Variants in CDCP1 observed in about 807,000 individuals in gnomAD.
CDCP1 encodes CUB domain-containing protein 1.
CDCP1 carries 29 observed loss-of-function variants against 60.2 expected under a neutral mutation model. The observed-to-expected ratio is 0.48, with a 90% confidence interval of 0.36 to 0.66. The LOEUF (loss-of-function observed/expected upper bound fraction) is 0.66, where lower values mean the gene tolerates loss of function less well. Among genes scored for constraint, CDCP1 ranks in the 30% least tolerant of loss-of-function variants. The pLI, the probability that CDCP1 is intolerant of heterozygous loss-of-function variation, is 0.00. For synonymous variants in CDCP1, 387 were observed against 431.1 expected (o/e 0.90, Z 1.27); for missense variants, 876 against 1,074.3 (o/e 0.82, Z 2.58).
intron 1 of CDCP1, among the ~76,000 whole-genome samples, chr3:45,142,929 G>A (rs964753139): frequency 1.3e-5 from 2 of 152,228 alleles, no homozygotes; most frequent in Non-Finnish European, 2.9e-5. Context: ...GAACATGGGC[G>A]CGGTGGCTCA....
chr3:45,131,965 G>A (rs933785769), intron 1 of CDCP1, among the ~76,000 whole-genome samples: 1 of 152,192 alleles, frequency 6.6e-6, no homozygotes, highest in African/African-American at 2.4e-5. Flanking sequence ...TGGGTGTGGT[G>A]GCTCATGCCT....
At chr3:45,115,408 T>A (rs1474053473) in intron 2 of CDCP1, among the ~76,000 whole-genome samples, 2 of 152,236 alleles carry the variant, frequency 1.3e-5, no homozygotes, top group African/African-American at 4.8e-5. Flanking sequence ...TGTATGTAAG[T>A]GTGCATGTGC....
At chr3:45,141,832 A>G (rs1304609578) in intron 1 of CDCP1, among the ~76,000 whole-genome samples, 2 of 148,746 alleles carry the variant, frequency 1.3e-5, no homozygotes, top group African/African-American at 5.0e-5. Context: ...AAGGGGTATA[A>G]ACTTTTCTTT....
At chr3:45,101,419 GCCT>G (rs1698483468) in intron 4 of CDCP1, among the ~76,000 whole-genome samples, 1 of 152,144 alleles carries the variant, frequency 6.6e-6, no homozygotes, top group Non-Finnish European at 1.5e-5. Flanking sequence ...GGACCCAACT[GCCT>G]CTCCTCTAGC....
intron 3 of CDCP1, among the ~76,000 whole-genome samples, 195 bp downstream of exon 3, chr3:45,111,888 C>T (rs1205425835): frequency 6.6e-6 from 1 of 152,078 alleles, no homozygotes; most frequent in African/African-American, 2.4e-5. Context: ...GAGAATCACC[C>T]CGTTTGTTTA....
chr3:45,093,597 A>C lies in CDCP1; in HGVS notation c.1307T>G (p.Ile436Ser). ...KSYSLQVPSD[I>S]LHLPVELHDF... is the part of the protein sequence containing the mutation. ...ATGCAGCTCCACAGGCAGGTGGAGG[A>C]TGTCACTGGGCACCTGGAGTGAGTA... Residue 436 changes from isoleucine to serine, a missense_variant, in exon 6 of 9, where the codon ATC (isoleucine) becomes AGC (serine). This residue lies in a region of CDCP1 where 726 missense variants were observed against 935.7 expected (regional missense o/e 0.78). Coordinates refer to ENST00000296129, the MANE Select transcript of CDCP1 (RefSeq NM_022842.5). 1 of 1,614,110 alleles carries C rather than the reference A, an allele frequency of 6.2e-7. No individual in the cohort carries two copies.
At chr3:45,093,168 G>A in intron 6 of CDCP1, 109 bp downstream of exon 6, 4 of 1,256,904 alleles carry the variant, frequency 3.2e-6, no homozygotes, top group Admixed American at 4.4e-5. Context: ...CCAGCATATT[G>A]AGCTATCCCT....
intron 1 of CDCP1, among the ~76,000 whole-genome samples, chr3:45,123,471 T>C (rs1385126898): frequency 2.0e-5 from 3 of 152,226 alleles, no homozygotes; most frequent in East Asian, 3.8e-4. Flanking sequence ...ACTTATATTA[T>C]AGGCTCTTTT....
At chr3:45,122,298 C>G (rs1363265536) in intron 1 of CDCP1, among the ~76,000 whole-genome samples, 4 of 152,104 alleles carry the variant, frequency 2.6e-5, no homozygotes, top group Admixed American at 2.6e-4. Flanking sequence ...CATGTGCCAC[C>G]ACGCTCAGCT....
At chr3:45,104,864 A>C (rs1430259386) in intron 4 of CDCP1, among the ~76,000 whole-genome samples, 2 of 152,180 alleles carry the variant, frequency 1.3e-5, no homozygotes, top group African/African-American at 2.4e-5. Context: ...GACCAGTCTG[A>C]CCAACATGGA....
rs199965821 is a variant in CDCP1, at chr3:45,093,322, C to A, written c.1582G>T (p.Ala528Ser). Residue 528 changes from alanine to serine, a missense_variant, in exon 6 of 9, where the codon GCC (alanine) becomes TCC (serine). Transcript: ENST00000296129. The part of the protein sequence containing the change: ...RTFAPSFQQE[A>S]SRQGLTVSFI... ...GACACCGTCAGACCCTGCCTGGAGG[C>A]CTCTTGTTGGAAGCTGGGGGCAAAG... The A allele has an allele frequency of 1.0e-4, 163 of 1,614,180 alleles. No individual in the cohort carries two copies. Among genetic ancestry groups the A allele is most frequent in the Non-Finnish European group, 1.3e-4 (155 of 1,180,022 alleles).
intron 8 of CDCP1, among the ~76,000 whole-genome samples, chr3:45,087,610 T>A (rs1698216837): frequency 1.3e-5 from 2 of 152,188 alleles, no homozygotes; most frequent in South Asian, 4.1e-4. Flanking sequence ...CCACTTCTCA[T>A]GGGGAAAAGA....
intron 1 of CDCP1, among the ~76,000 whole-genome samples, chr3:45,122,965 C>T (rs2126002253): frequency 6.6e-6 from 1 of 151,442 alleles, no homozygotes; most frequent in Non-Finnish European, 1.5e-5. Flanking sequence ...ATAACAAGGG[C>T]TCTGGGAATC....
At chr3:45,106,943 G>C (rs1461446833) in intron 4 of CDCP1, among the ~76,000 whole-genome samples, 1 of 152,148 alleles carries the variant, frequency 6.6e-6, no homozygotes, top group Non-Finnish European at 1.5e-5. Context: ...AAGAAAGCAG[G>C]AGCAGCACAT....
chr3:45,096,038 C>T (rs183251437), intron 4 of CDCP1, among the ~76,000 whole-genome samples: 21 of 152,346 alleles, frequency 1.4e-4, no homozygotes, highest in Admixed American at 1.4e-3. Context: ...CTGTATCCCA[C>T]TCCTCAGATG....
At chr3:45,142,290 C>G (rs1342961038) in intron 1 of CDCP1, among the ~76,000 whole-genome samples, 1 of 152,188 alleles carries the variant, frequency 6.6e-6, no homozygotes, top group Admixed American at 6.5e-5. Context: ...CCACCTCATC[C>G]TATCCCATCC....
At chr3:45,145,361 G>A (rs932554758) in intron 1 of CDCP1, among the ~76,000 whole-genome samples, 4 of 152,182 alleles carry the variant, frequency 2.6e-5, no homozygotes, top group African/African-American at 9.7e-5. Context: ...GTTCTTACAT[G>A]AAGAAACCAG....
rs758347850 is a variant in CDCP1, at chr3:45,118,580, C to A, written c.124G>T (p.Val42Phe). Residue 42 changes from valine to phenylalanine, a missense_variant, in exon 2 of 9, where the codon GTT (valine) becomes TTT (phenylalanine). This residue lies in a region of CDCP1 where 150 missense variants were observed against 138.6 expected (regional missense o/e 1.08). Coordinates refer to ENST00000296129, the MANE Select transcript of CDCP1 (RefSeq NM_022842.5). Reference sequence around the variant, plus strand: ...GTCGGGGTCCCCAGCTTTATGAGAACTGTAATGTTGCTTTCTCGTGGCAGA... The same window carrying A: ...GTCGGGGTCCCCAGCTTTATGAGAAATGTAATGTTGCTTTCTCGTGGCAGA... The part of the protein sequence containing the change: ...IALPRESNIT[V>F]LIKLGTPTLL... 11 of 1,614,018 alleles carry A rather than the reference C, an allele frequency of 6.8e-6. No individual in the cohort carries two copies. The East Asian group carries it at 2.2e-4, about 33-fold the overall frequency.
chr3:45,105,317 T>C (rs191616097), intron 4 of CDCP1, among the ~76,000 whole-genome samples: 1 of 152,026 alleles, frequency 6.6e-6, no homozygotes, highest in Non-Finnish European at 1.5e-5. Flanking sequence ...AATTTAAGAC[T>C]CATGGAACAC....
Sources: gnomAD v4.1 joint callset for allele counts (sites outside exome capture counted in the v4.1 genomes callset) on GRCh38, gnomAD v4.1.1 for gene constraint, gnomAD v4.1.1 regional missense constraint, MANE v1.5 for transcripts, NCBI Gene and HGNC (gene_info 2026-07-23, HGNC 2026-07-21) for gene names.